The following RUNX1 variants were observed in gnomAD, a reference collection of about 807,000 sequenced individuals.
The protein encoded by RUNX1 is runt-related transcription factor 1.
Under a neutral mutation model 42.8 loss-of-function variants are expected in RUNX1, and 19 were observed. That is an observed-to-expected ratio of 0.44 (90% CI 0.31 to 0.65). The LOEUF is 0.65. Among genes scored for constraint, RUNX1 ranks in the 30% least tolerant of loss-of-function variants. RUNX1 has a pLI of 0.07. For missense variants in RUNX1, 528 were observed against 672.0 expected, an observed-to-expected ratio of 0.79 and a Z score of 2.37; for synonymous variants, 271 against 289.4, an observed-to-expected ratio of 0.94 and a Z score of 0.64.
chr21:34,957,267 A>G (rs1322499234), intron 2 of RUNX1, among the ~76,000 whole-genome samples: 2 of 152,226 alleles, frequency 1.3e-5, no homozygotes, highest in Admixed American at 1.3e-4. Flanking sequence ...TATCAATTAT[A>G]AAACCTCACT....
At chr21:34,924,539 G>A (rs985102468) in intron 2 of RUNX1, among the ~76,000 whole-genome samples, 1 of 152,192 alleles carries the variant, frequency 6.6e-6, no homozygotes, top group African/African-American at 2.4e-5. Flanking sequence ...AGCAACATGT[G>A]CACAGTCATG....
At chr21:34,988,243 C>A (rs1295376106) in intron 2 of RUNX1, among the ~76,000 whole-genome samples, 2 of 152,128 alleles carry the variant, frequency 1.3e-5, no homozygotes, top group Non-Finnish European at 2.9e-5. Context: ...TCAGTACGGT[C>A]CTTCTTCCCT....
At chr21:34,926,229 T>A (rs1468409961) in intron 2 of RUNX1, among the ~76,000 whole-genome samples, 2 of 151,916 alleles carry the variant, frequency 1.3e-5, no homozygotes, top group African/African-American at 4.8e-5. Flanking sequence ...AATCCCAGCA[T>A]TTTGTGAGGT....
chr21:34,862,474 A>C (rs1396572753), intron 5 of RUNX1, among the ~76,000 whole-genome samples: 2 of 152,200 alleles, frequency 1.3e-5, no homozygotes, highest in Non-Finnish European at 2.9e-5. Context: ...AGACTTTCAC[A>C]ATTCTGGAAG....
At chr21:35,012,270 G>C (rs1196275624) in intron 2 of RUNX1, among the ~76,000 whole-genome samples, 1 of 152,090 alleles carries the variant, frequency 6.6e-6, no homozygotes, top group Non-Finnish European at 1.5e-5. Context: ...TGTTTATCAG[G>C]CCCAGCAGTC....
At chr21:34,849,086 T>A (rs1020266091) in intron 6 of RUNX1, among the ~76,000 whole-genome samples, 1 of 149,932 alleles carries the variant, frequency 6.7e-6, no homozygotes, top group African/African-American at 2.5e-5. Context: ...GCAGTCTGGG[T>A]TTTTGTCAAT....
At chr21:34,981,294 G>T (rs2058844658) in intron 2 of RUNX1, among the ~76,000 whole-genome samples, 1 of 152,208 alleles carries the variant, frequency 6.6e-6, no homozygotes, top group African/African-American at 2.4e-5. Context: ...ACTTAATTCT[G>T]CTGGTGACAG....
rs1475812740 is a variant in RUNX1 at position 34,907,156 on chromosome 21, T to C, written c.59-14193A>G. 6.6e-6 allele frequency among the ~76,000 whole-genome samples: 1 copy of C among 151,914 alleles called. No homozygotes were observed. Among genetic ancestry groups the C allele is most frequent in the African/African-American group, 2.4e-5 (1 of 41,184 alleles). ...GACTCTAAGGACAGCACTTTCCTGG[T>C]GTACAGTCTTTGGGGGCTCTTGACA... On this transcript the variant is annotated intron_variant, in intron 2 of 8. Coordinates refer to ENST00000675419, the MANE Select transcript of RUNX1 (RefSeq NM_001754.5). The surrounding 1 kb of genome is among the most constrained non-coding windows in gnomAD (Gnocchi z 5.3).
intron 7 of RUNX1, among the ~76,000 whole-genome samples, chr21:34,802,876 T>A (rs1403613857): frequency 6.6e-6 from 1 of 152,230 alleles, no homozygotes; most frequent in Non-Finnish European, 1.5e-5. Flanking sequence ...TAGTTAGAAT[T>A]CTGACTTCAA....
intron 7 of RUNX1, among the ~76,000 whole-genome samples, chr21:34,808,643 G>A (rs1309346634): frequency 6.6e-6 from 1 of 152,106 alleles, no homozygotes; most frequent in Non-Finnish European, 1.5e-5. Context: ...AATGTTTGTG[G>A]GGCAGCTTTG....
intron 2 of RUNX1, among the ~76,000 whole-genome samples, chr21:34,955,709 T>G (rs1167275870): frequency 6.6e-6 from 1 of 152,208 alleles, no homozygotes; most frequent in East Asian, 1.9e-4. Flanking sequence ...TTGATGGAAA[T>G]GCGTTAATGA....
intron 6 of RUNX1, among the ~76,000 whole-genome samples, chr21:34,857,180 A>G (rs1601465717): frequency 6.6e-6 from 1 of 152,146 alleles, no homozygotes; most frequent in East Asian, 1.9e-4. Context: ...CCAGGCCCCA[A>G]ATTCCATTTG....
At chr21:34,963,252 T>C (rs1215026822) in intron 2 of RUNX1, among the ~76,000 whole-genome samples, 1 of 152,144 alleles carries the variant, frequency 6.6e-6, no homozygotes, top group Non-Finnish European at 1.5e-5. Context: ...CACTGCTCTG[T>C]GTTTATGGCC....
At chr21:34,821,294 A>G (rs994432838) in intron 7 of RUNX1, 1 of 1,104,106 alleles carries the variant, frequency 9.1e-7, no homozygotes, top group East Asian at 4.5e-5. Context: ...AAAAAGAATA[A>G]CATTGACCAT....
At chr21:34,906,255 A>G (rs540163789) in intron 2 of RUNX1, among the ~76,000 whole-genome samples, 1 of 152,300 alleles carries the variant, frequency 6.6e-6, no homozygotes, top group East Asian at 1.9e-4. Flanking sequence ...CTGGGTTTTG[A>G]CAGGTTTGGG....
intron 2 of RUNX1, among the ~76,000 whole-genome samples, chr21:35,006,130 G>A (rs1423482759): frequency 4.6e-5 from 7 of 152,196 alleles, no homozygotes; most frequent in Non-Finnish European, 8.8e-5. Flanking sequence ...GCCTTTGAGT[G>A]CTGAGGAGCT....
intron 2 of RUNX1, among the ~76,000 whole-genome samples, chr21:34,952,700 C>T (rs1383280753): frequency 1.3e-5 from 2 of 152,112 alleles, no homozygotes; most frequent in Admixed American, 6.5e-5. Flanking sequence ...ATATTTGGGA[C>T]GTTTAATATA....
At chr21:34,816,533 G>A (rs1455081716) in intron 7 of RUNX1, among the ~76,000 whole-genome samples, 1 of 152,142 alleles carries the variant, frequency 6.6e-6, no homozygotes, top group Non-Finnish European at 1.5e-5. Flanking sequence ...TCTGGTAACA[G>A]CAGAAGGCAA....
chr21:34,859,739 C>T lies in RUNX1; in HGVS notation c.509-161G>A, dbSNP rs182882935. 2.8e-4 allele frequency among the ~76,000 whole-genome samples: 43 copies of T among 152,348 alleles called. 1 individual carries two copies. The highest frequency in any genetic ancestry group is 1.2e-3 in the Admixed American group (19 of 15,304). On this transcript the variant is annotated intron_variant, in intron 5 of 8. Coordinates refer to ENST00000675419, the MANE Select transcript of RUNX1 (RefSeq NM_001754.5). ...GGCTTTGCTTCAATTCTGGAATACA[C>T]ACCTATGATAGTTGCCTAAGTGTAA...
Sources: allele counts gnomAD v4.1 joint callset (sites outside exome capture counted in the v4.1 genomes callset), GRCh38; gene constraint gnomAD v4.1.1; non-coding constraint Gnocchi (gnomAD v3.1); transcripts MANE v1.5; gene names NCBI Gene and HGNC (gene_info 2026-07-23, HGNC 2026-07-21).